The following NAPG variants were observed in gnomAD, a reference collection of about 807,000 sequenced individuals.
NAPG encodes gamma-soluble NSF attachment protein.
In NAPG, 25 loss-of-function variants were observed where a neutral mutation model predicts 48.4. The observed-to-expected ratio is 0.52, with a 90% confidence interval of 0.38 to 0.72. The LOEUF (loss-of-function observed/expected upper bound fraction) is 0.72, where lower values mean the gene tolerates loss of function less well. Ranked by LOEUF, NAPG falls within the 30% of genes least tolerant of loss-of-function variation. The pLI is 0.00. For missense variants in NAPG, 359 were observed against 372.5 expected (o/e 0.96, Z 0.30); for synonymous variants, 139 against 127.2 (o/e 1.09, Z -0.62).
At chr18:10,540,484 G>A (rs980153479) in intron 8 of NAPG, 85 bp downstream of exon 8, 14 of 1,191,398 alleles carry the variant, frequency 1.2e-5, no homozygotes, top group African/African-American at 3.0e-5. Flanking sequence ...GGGATAGCTT[G>A]TTAATTTTTT....
intron 8 of NAPG, among the ~76,000 whole-genome samples, chr18:10,541,758 A>G (rs1315484739): frequency 6.6e-6 from 1 of 152,214 alleles, no homozygotes; most frequent in Non-Finnish European, 1.5e-5. Context: ...AAGGAAGTGA[A>G]GTTGCAGGAA....
rs1423056414 is a variant in NAPG at position 10,552,444 on chromosome 18, C to T, written c.*2224C>T. The T allele has an allele frequency of 2.0e-5, 3 of 152,202 alleles. No individual in the cohort carries two copies. The highest frequency in any genetic ancestry group is 7.2e-5 in the African/African-American group (3 of 41,442). The allele number at this position is 152,202 out of a possible 1,614,324, so 9.4% of individuals were successfully genotyped here. On this transcript the variant is annotated 3_prime_UTR_variant, in exon 12 of 12. Transcript: ENST00000322897. Reference sequence around the variant, plus strand: ...TATCTTGAGAGCATAGTCCAAAGTGCAAAACTTGGTGTTTACAAGGAAAAT... The same window carrying T: ...TATCTTGAGAGCATAGTCCAAAGTGTAAAACTTGGTGTTTACAAGGAAAAT...
intron 1 of NAPG, chr18:10,526,390 T>G: frequency 1.9e-6 from 1 of 536,406 alleles, no homozygotes; most frequent in Non-Finnish European, 3.3e-6. Context: ...GGAAGTCCGC[T>G]CCCCAGAGCC....
chr18:10,533,470 T>C (rs2031970795), intron 3 of NAPG, 66 bp from the exon 4 acceptor site: 5 of 1,410,850 alleles, frequency 3.5e-6, no homozygotes, highest in Non-Finnish European at 4.8e-6. Flanking sequence ...CTTTAAATAG[T>C]TGATCTATAG....
chr18:10,529,084 T>G (rs1198784769), intron 1 of NAPG, among the ~76,000 whole-genome samples: 1 of 152,246 alleles, frequency 6.6e-6, no homozygotes, highest in Non-Finnish European at 1.5e-5. Flanking sequence ...ATATCTTTCT[T>G]CCTTATTAGT....
rs551814874 is a variant in NAPG at position 10,544,525 on chromosome 18, G to A, written c.507-1801G>A. ...TTGAGTTTGCCTTCAGTTCCTGGCC[G>A]TGTGCCCCCATTGGTGGTTCACAGC... On this transcript the variant is annotated intron_variant, in intron 8 of 11. Coordinates refer to ENST00000322897, the MANE Select transcript of NAPG (RefSeq NM_003826.3). This position sits in a 1 kb window ranked among gnomAD's most constrained non-coding sequence, Gnocchi z 5.1. Among the ~76,000 whole-genome samples, 16 of 152,320 alleles carry A rather than the reference G, an allele frequency of 1.1e-4. No individual in the cohort carries two copies. The highest frequency in any genetic ancestry group is 9.7e-4 in the East Asian group (5 of 5,172).
At chr18:10,541,027 A>G (rs1277900579) in intron 8 of NAPG, among the ~76,000 whole-genome samples, 1 of 152,202 alleles carries the variant, frequency 6.6e-6, no homozygotes, top group African/African-American at 2.4e-5. Context: ...AAATTTGTCC[A>G]AAGCTTCCCA....
At position 10,546,318 on chromosome 18, in the gene NAPG, T is replaced by C. The variant is rs2143142980; in HGVS notation, c.507-8T>C. 6.4e-7 allele frequency: 1 copy of C among 1,552,654 alleles called. No individual in the cohort carries two copies. Among genetic ancestry groups the C allele is most frequent in the Non-Finnish European group, 8.8e-7 (1 of 1,142,304 alleles). On this transcript the variant is annotated splice_region_variant and splice_polypyrimidine_tract_variant and intron_variant, in intron 8 of 11. Transcript: ENST00000322897. This position sits in a 1 kb window ranked among gnomAD's most constrained non-coding sequence, Gnocchi z 4.0. ...CTGCTTTTTTTACATTTCTGTGTTT[T>C]GTTTTAGGTTTGATGAGGCGGCACT...
At chr18:10,550,036 C>G in intron 11 of NAPG, 41 bp from the exon 12 acceptor site, 1 of 1,490,288 alleles carries the variant, frequency 6.7e-7, no homozygotes, top group Non-Finnish European at 8.9e-7. Flanking sequence ...TGTTAGGATT[C>G]TAGTTATCCA....
chr18:10,541,205 G>A (rs988354824), intron 8 of NAPG, among the ~76,000 whole-genome samples: 6 of 152,170 alleles, frequency 3.9e-5, no homozygotes, highest in Admixed American at 1.3e-4. Flanking sequence ...AATTAATCTA[G>A]AATTAACTAT....
intron 1 of NAPG, among the ~76,000 whole-genome samples, chr18:10,527,187 CAAAAAA>C (rs775618160): frequency 1.9e-5 from 2 of 105,550 alleles, no homozygotes; most frequent in African/African-American, 7.2e-5. Flanking sequence ...GACTCCGTCT[CAAAAAA>C]AAAAAAAAAA....
At chr18:10,538,548 A>G (rs759421442) in intron 5 of NAPG, among the ~76,000 whole-genome samples, 9 of 152,210 alleles carry the variant, frequency 5.9e-5, no homozygotes, top group Non-Finnish European at 1.0e-4. Flanking sequence ...GGGACTTGGT[A>G]AATGTTTAAA....
Position 10,546,055 on chromosome 18 carries a change from C to A in NAPG, c.507-271C>A, listed in dbSNP as rs1342833189. On this transcript the variant is annotated intron_variant, in intron 8 of 11. Coordinates refer to ENST00000322897, the MANE Select transcript of NAPG (RefSeq NM_003826.3). The surrounding 1 kb of genome is among the most constrained non-coding windows in gnomAD (Gnocchi z 4.0). ...TCGTGACACTCGCTATTGGACAGTC[C>A]TTACTAAGCTTAAAACTCCCCGTTT... Among the ~76,000 whole-genome samples, 1 of 152,180 alleles carries A rather than the reference C, an allele frequency of 6.6e-6. No individual in the cohort carries two copies.
rs758279210 is a variant in NAPG at position 10,532,765 on chromosome 18, G to A, written c.179G>A (p.Arg60Lys). Reference sequence around the variant, plus strand: ...GAGCAAGCAAAAGATGCCTGCCTGAGGGAAGCTGTTGCCCATGAAAATAAT... The same window carrying A: ...GAGCAAGCAAAAGATGCCTGCCTGAAGGAAGCTGTTGCCCATGAAAATAAT... ...QFEQAKDACLREAVAHENNRA... is the reference protein window; with the variant it reads ...QFEQAKDACLKEAVAHENNRA... The change falls in exon 3 of 12, where the codon AGG becomes AAG. Residue 60 changes from arginine to lysine, a missense_variant. Arg to Lys is a conservative substitution (Grantham distance 26). Coordinates refer to ENST00000322897, the MANE Select transcript of NAPG (RefSeq NM_003826.3). The A allele has an allele frequency of 3.8e-6, 6 of 1,591,386 alleles. No individual in the cohort carries two copies. In the South Asian group the frequency reaches 5.7e-5, roughly 15 times the overall value.
In NAPG at chr18:10,534,463, C is replaced by T. The variant is rs376202138; in HGVS notation, c.228-3C>T. ...CATCAGAGAAATTATATTCTCTTTG[C>T]AGAGCTTATGAGCAAGCTGGAATGA... On this transcript the variant is annotated splice_polypyrimidine_tract_variant and splice_region_variant and intron_variant, in intron 4 of 11. Coordinates refer to ENST00000322897, the MANE Select transcript of NAPG (RefSeq NM_003826.3). This position sits in a 1 kb window ranked among gnomAD's most constrained non-coding sequence, Gnocchi z 5.0. The T allele has an allele frequency of 1.9e-6, 3 of 1,612,742 alleles. No homozygotes were observed. The highest frequency in any genetic ancestry group is 2.7e-5 in the African/African-American group (2 of 74,894).
chr18:10,539,524 T>G lies in NAPG; in HGVS notation c.259-238T>G. 2.4e-6 allele frequency: 1 copy of G among 415,370 alleles called. No homozygotes were observed. The highest frequency in any genetic ancestry group is 4.4e-6 in the Non-Finnish European group (1 of 226,468). 25.7% of individuals were successfully genotyped at this position (415,370 alleles called of 1,614,324 possible). On this transcript the variant is annotated intron_variant, in intron 5 of 11. Transcript: ENST00000322897. This position sits in a 1 kb window ranked among gnomAD's most constrained non-coding sequence, Gnocchi z 4.7. ...CCTGGGCCTGTCGGGGGCTGGGGAA[T>G]AAGGGGAGGGAGAGCACTAGGACAA...
chr18:10,541,888 G>A lies in NAPG; in HGVS notation c.506+1489G>A, dbSNP rs2032165032. On this transcript the variant is annotated intron_variant, in intron 8 of 11. Coordinates refer to ENST00000322897, the MANE Select transcript of NAPG (RefSeq NM_003826.3). Reference sequence around the variant, plus strand: ...CTCAAGGTATAGATTATCTAAAGCTGTGTTGTAGAGGGAGTAGCAGGAAAG... The same window carrying A: ...CTCAAGGTATAGATTATCTAAAGCTATGTTGTAGAGGGAGTAGCAGGAAAG... Among the ~76,000 whole-genome samples the A allele has an allele frequency of 4.6e-5, 7 of 152,212 alleles. No homozygotes were observed. In the South Asian group the frequency reaches 1.4e-3, roughly 32 times the overall value.
chr18:10,551,317 A>G lies in NAPG; in HGVS notation c.*1097A>G, dbSNP rs1880363418. 6.6e-6 allele frequency: 1 copy of G among 152,004 alleles called. No individual in the cohort carries two copies. Among genetic ancestry groups the G allele is most frequent in the African/African-American group, 2.4e-5 (1 of 41,344 alleles). The allele number at this position is 152,004 out of a possible 1,614,324, so 9.4% of individuals were successfully genotyped here. On this transcript the variant is annotated 3_prime_UTR_variant, in exon 12 of 12. Coordinates refer to ENST00000322897, the MANE Select transcript of NAPG (RefSeq NM_003826.3). ...CAGATATATTTCTTCCCTCCAAAAC[A>G]GTTTATTTTGATTGTTTATTTTATT...
At chr18:10,540,930 C>T (rs958256847) in intron 8 of NAPG, among the ~76,000 whole-genome samples, 2 of 150,554 alleles carry the variant, frequency 1.3e-5, no homozygotes, top group Non-Finnish European at 3.0e-5. Flanking sequence ...TTTTAGTAAA[C>T]AATTTTTTTC....
Sources: gnomAD v4.1 joint callset for allele counts (sites outside exome capture counted in the v4.1 genomes callset) on GRCh38, gnomAD v4.1.1 for gene constraint, Gnocchi (gnomAD v3.1) non-coding constraint, MANE v1.5 for transcripts, NCBI Gene and HGNC (gene_info 2026-07-23, HGNC 2026-07-21) for gene names.